Variants in ODAD2 observed in about 807,000 individuals in gnomAD.
The protein encoded by ODAD2 is outer dynein arm-docking complex subunit 2.
ODAD2 carries 89 observed loss-of-function variants against 106.8 expected under a neutral mutation model. That is an observed-to-expected ratio of 0.83 (90% CI 0.70 to 0.99). The LOEUF (loss-of-function observed/expected upper bound fraction) is 0.99. Among genes scored for constraint, ODAD2 ranks in the 50% least tolerant of loss-of-function variants. ODAD2 has a pLI of 0.00. For synonymous variants in ODAD2, 404 were observed against 436.2 expected (o/e 0.93, Z 0.92); for missense variants, 1,168 against 1,238.5 (o/e 0.94, Z 0.85).
intron 16 of ODAD2, among the ~76,000 whole-genome samples, chr10:27,928,789 C>T (rs1276958399): frequency 6.6e-6 from 1 of 152,078 alleles, no homozygotes; most frequent in Non-Finnish European, 1.5e-5. Context: ...CCTATTTCTA[C>T]CGCAACAATA....
At chr10:27,908,349 A>C (rs1339977645) in intron 16 of ODAD2, among the ~76,000 whole-genome samples, 1 of 152,142 alleles carries the variant, frequency 6.6e-6, no homozygotes, top group African/African-American at 2.4e-5. Flanking sequence ...ACTGTGTTAT[A>C]ATTACTTAAA....
intron 2 of ODAD2, among the ~76,000 whole-genome samples, chr10:27,993,327 CAGTT>C (rs1850343403): frequency 6.6e-6 from 1 of 152,158 alleles, no homozygotes; most frequent in Non-Finnish European, 1.5e-5. Flanking sequence ...ACCACTGGCA[CAGTT>C]AGAAATAAAA....
At chr10:27,939,084 C>T (rs142167847) in intron 14 of ODAD2, among the ~76,000 whole-genome samples, 152 of 152,142 alleles carry the variant, frequency 1.0e-3, no homozygotes, top group Non-Finnish European at 1.6e-3. Context: ...ATGTATCATA[C>T]ACAAAAAGTT....
chr10:27,960,006 C>T (rs1311195230), intron 10 of ODAD2, among the ~76,000 whole-genome samples: 3 of 151,844 alleles, frequency 2.0e-5, no homozygotes, highest in Admixed American at 1.3e-4. Context: ...AACATTAACA[C>T]AAAATAAATG....
chr10:27,918,626 C>T (rs1345467004), intron 16 of ODAD2, among the ~76,000 whole-genome samples: 5 of 151,744 alleles, frequency 3.3e-5, no homozygotes, highest in African/African-American at 1.2e-4. Flanking sequence ...GCTTTCTCCC[C>T]AAGATTAGGT....
intron 10 of ODAD2, among the ~76,000 whole-genome samples, chr10:27,949,444 A>G (rs950463281): frequency 1.9e-4 from 29 of 152,334 alleles, no homozygotes; most frequent in African/African-American, 6.5e-4. Flanking sequence ...GGGAAAGAAC[A>G]TCTGAACTGA....
In ODAD2 at chr10:27,936,708, T is replaced by C. The variant is rs764886603; in HGVS notation, c.2252+18A>G. The C allele has an allele frequency of 3.7e-6, 6 of 1,613,610 alleles. No individual in the cohort carries two copies. Among genetic ancestry groups the C allele is most frequent in the Non-Finnish European group, 5.1e-6 (6 of 1,179,664 alleles). On this transcript the variant is annotated intron_variant, in intron 15 of 19. Coordinates refer to ENST00000305242, the MANE Select transcript of ODAD2 (RefSeq NM_018076.5). Reference sequence around the variant, plus strand: ...GAAGCCGTATCTTCATTTCAGAATATTGAGAGCCTTCTCTTACTTGGTAAC... The same window carrying C: ...GAAGCCGTATCTTCATTTCAGAATACTGAGAGCCTTCTCTTACTTGGTAAC...
chr10:27,829,689 A>T (rs959161562), intron 19 of ODAD2, among the ~76,000 whole-genome samples: 1 of 152,230 alleles, frequency 6.6e-6, no homozygotes, highest in Non-Finnish European at 1.5e-5. Context: ...TAACATTTTA[A>T]TAAGCAACTA....
intron 7 of ODAD2, among the ~76,000 whole-genome samples, chr10:27,977,072 T>C (rs534917477): frequency 6.6e-6 from 1 of 152,246 alleles, no homozygotes; most frequent in African/African-American, 2.4e-5. Context: ...ATAACTCATA[T>C]ACACAAACCA....
At chr10:27,977,020 G>C (rs1481538496) in intron 7 of ODAD2, among the ~76,000 whole-genome samples, 1 of 151,848 alleles carries the variant, frequency 6.6e-6, no homozygotes, top group Non-Finnish European at 1.5e-5. Flanking sequence ...AAATGATGCT[G>C]GAACAACTAG....
At chr10:27,923,247 T>G (rs759905436) in intron 16 of ODAD2, among the ~76,000 whole-genome samples, 1 of 152,202 alleles carries the variant, frequency 6.6e-6, no homozygotes, top group Non-Finnish European at 1.5e-5. Flanking sequence ...ATTTATATAC[T>G]GCATGCAAGG....
chr10:27,980,354 A>G (rs1367568935), intron 7 of ODAD2, among the ~76,000 whole-genome samples: 1 of 152,142 alleles, frequency 6.6e-6, no homozygotes, highest in Non-Finnish European at 1.5e-5. Flanking sequence ...TCAAAATTAA[A>G]AATGTTTCTG....
intron 19 of ODAD2, among the ~76,000 whole-genome samples, chr10:27,840,610 TG>T (rs1296087428): frequency 3.3e-5 from 5 of 152,142 alleles, no homozygotes; most frequent in African/African-American, 1.2e-4. Context: ...AGAAAATATG[TG>T]GCCTCCTTGG....
At position 27,962,599 on chromosome 10, in the gene ODAD2, C is replaced by T. The variant is rs143079581; in HGVS notation, c.1239-884G>A. On this transcript the variant is annotated intron_variant, in intron 9 of 19. Transcript: ENST00000305242. Reference sequence around the variant, plus strand: ...AGGACCAAAGAGTTAACCACCAACTCTGAGAGACATTACCATGCAAAGTGT... The same window carrying T: ...AGGACCAAAGAGTTAACCACCAACTTTGAGAGACATTACCATGCAAAGTGT... Among the ~76,000 whole-genome samples the T allele has an allele frequency of 3.9e-3, 588 of 152,358 alleles. 3 individuals are homozygous for T. The highest frequency in any genetic ancestry group is 0.014 in the African/African-American group (572 of 41,588).
At chr10:27,983,012 A>G (rs1362954325) in intron 6 of ODAD2, among the ~76,000 whole-genome samples, 1 of 152,206 alleles carries the variant, frequency 6.6e-6, no homozygotes, top group Non-Finnish European at 1.5e-5. Flanking sequence ...AGGAAGACTG[A>G]AAGGCTGGCA....
In ODAD2 at chr10:27,828,532, A is replaced by AT. The variant is rs561356364; in HGVS notation, c.3022-15908dup. On this transcript the variant is annotated intron_variant, in intron 19 of 19. Transcript: ENST00000305242. Reference sequence around the variant, plus strand: ...TAGGTGTGGGACAGGAAGTTGAGGTATTTTCTGGCTTTTACTTCATTTTCT... The same window carrying AT: ...TAGGTGTGGGACAGGAAGTTGAGGTATTTTTCTGGCTTTTACTTCATTTTCT... 6.3e-4 allele frequency among the ~76,000 whole-genome samples: 96 copies of AT among 152,222 alleles called. 1 individual carries two copies. Among genetic ancestry groups the AT allele is most frequent in the African/African-American group, 2.1e-3 (89 of 41,520 alleles).
In ODAD2 at chr10:27,935,120, T is replaced by C. The variant is rs1304281590; in HGVS notation, c.2385A>G (p.Lys795=). The change falls in exon 16 of 20, where the codon AAA becomes AAG. Residue 795 remains lysine (K), a synonymous_variant. Transcript: ENST00000305242. The part of the protein sequence containing the change: ...QERENRVIVR[K]CGGIQPLVNL... ...TCACAAGTGGTTGAATGCCACCACA[T>C]TTCCGGACAATGACTCGGTTTTCAC... 7 of 1,613,858 alleles carry C rather than the reference T, an allele frequency of 4.3e-6. No individual in the cohort carries two copies. Among genetic ancestry groups the C allele is most frequent in the Non-Finnish European group, 5.9e-6 (7 of 1,179,894 alleles).
At chr10:27,847,011 C>T (rs993971931) in intron 19 of ODAD2, among the ~76,000 whole-genome samples, 1 of 152,158 alleles carries the variant, frequency 6.6e-6, no homozygotes, top group African/African-American at 2.4e-5. Flanking sequence ...GGAGCGGGGA[C>T]CATTCCTTCT....
intron 3 of ODAD2, among the ~76,000 whole-genome samples, chr10:27,985,906 T>C (rs1201949883): frequency 6.6e-6 from 1 of 151,994 alleles, no homozygotes; most frequent in African/African-American, 2.4e-5. Flanking sequence ...TTGGTTAATG[T>C]CAAAAACCAA....
Sources: allele counts gnomAD v4.1 joint callset (sites outside exome capture counted in the v4.1 genomes callset), GRCh38; gene constraint gnomAD v4.1.1; transcripts MANE v1.5; gene names NCBI Gene and HGNC (gene_info 2026-07-23, HGNC 2026-07-21).